ZCCHC7: variants seen among roughly 807,000 people sequenced by gnomAD.
ZCCHC7 encodes zinc finger CCHC domain-containing protein 7.
ZCCHC7 carries 35 observed loss-of-function variants against 52.0 expected under a neutral mutation model. That is an observed-to-expected ratio of 0.67 (90% confidence interval 0.51 to 0.89). The LOEUF is 0.89. Among genes scored for constraint, ZCCHC7 ranks in the 40% least tolerant of loss-of-function variants. The pLI is 0.00. For missense variants in ZCCHC7, 574 were observed against 649.1 expected, an observed-to-expected ratio of 0.88 and a Z score of 1.26; for synonymous variants, 217 against 221.5, an observed-to-expected ratio of 0.98 and a Z score of 0.18.
At chr9:37,283,283 T>G (rs1588609509) in intron 2 of ZCCHC7, among the ~76,000 whole-genome samples, 1 of 152,196 alleles carries the variant, frequency 6.6e-6, no homozygotes, top group East Asian at 1.9e-4. Context: ...TTTATGTTCA[T>G]TGTTGTAGAA....
intron 2 of ZCCHC7, among the ~76,000 whole-genome samples, chr9:37,185,575 G>A (rs999519283): frequency 3.3e-5 from 5 of 152,208 alleles, no homozygotes; most frequent in Admixed American, 1.3e-4. Context: ...GTTCCTTGTA[G>A]AGCTCTGAGG....
At chr9:37,148,160 A>T (rs1375443053) in intron 2 of ZCCHC7, among the ~76,000 whole-genome samples, 2 of 152,162 alleles carry the variant, frequency 1.3e-5, no homozygotes, top group African/African-American at 4.8e-5. Context: ...ATAATCAGAG[A>T]CAGCAAATAA....
chr9:37,205,593 T>G (rs906183956), intron 2 of ZCCHC7, among the ~76,000 whole-genome samples: 1 of 152,262 alleles, frequency 6.6e-6, no homozygotes, highest in African/African-American at 2.4e-5. Flanking sequence ...CTCAGCTCAC[T>G]GCAACCTCCA....
At chr9:37,134,755 C>T (rs747927583) in intron 2 of ZCCHC7, among the ~76,000 whole-genome samples, 2 of 152,016 alleles carry the variant, frequency 1.3e-5, no homozygotes, top group Non-Finnish European at 2.9e-5. Flanking sequence ...GACGGAATTT[C>T]GCTCTTGTTG....
intron 6 of ZCCHC7, among the ~76,000 whole-genome samples, chr9:37,340,498 T>G (rs1335700659): frequency 6.6e-6 from 1 of 152,148 alleles, no homozygotes; most frequent in Admixed American, 6.6e-5. Flanking sequence ...AAATTTTGAC[T>G]TAAAAAAGTT....
intron 2 of ZCCHC7, among the ~76,000 whole-genome samples, chr9:37,170,123 C>T (rs1821651202): frequency 6.6e-6 from 1 of 151,054 alleles, no homozygotes; most frequent in Non-Finnish European, 1.5e-5. Context: ...ATATTTAAAA[C>T]AAGTTTGTTC....
At chr9:37,208,870 C>CA (rs1169395813) in intron 2 of ZCCHC7, among the ~76,000 whole-genome samples, 1 of 151,872 alleles carries the variant, frequency 6.6e-6, no homozygotes, top group Non-Finnish European at 1.5e-5. Flanking sequence ...CATTTCATGG[C>CA]AAAAAAGGCT....
In ZCCHC7 at chr9:37,257,237, A is replaced by G. The variant is rs576142838; in HGVS notation, c.611-44951A>G. Among the ~76,000 whole-genome samples, 4 of 152,260 alleles carry G rather than the reference A, an allele frequency of 2.6e-5. No individual in the cohort carries two copies. The East Asian group carries it at 7.7e-4, about 29-fold the overall frequency. On this transcript the variant is annotated intron_variant, in intron 2 of 8. Transcript: ENST00000336755. ...TCTTTTCCAGGCTAAAGTTGTCTTCAGTGGTTAACCTTTGTTTCTCCTAGT... is the reference window on the plus strand; with the variant it reads ...TCTTTTCCAGGCTAAAGTTGTCTTCGGTGGTTAACCTTTGTTTCTCCTAGT...
At chr9:37,272,370 G>C (rs929403108) in intron 2 of ZCCHC7, among the ~76,000 whole-genome samples, 1 of 151,386 alleles carries the variant, frequency 6.6e-6, no homozygotes, top group Non-Finnish European at 1.5e-5. Flanking sequence ...ATTCCTATGA[G>C]TTGGGGAATT....
At chr9:37,121,551 G>T (rs958832855) in intron 1 of ZCCHC7, 75 of 152,288 alleles carry the variant, frequency 4.9e-4, no homozygotes, top group African/African-American at 1.8e-3. Context: ...CGCATACAAA[G>T]ACTTTTAAAT....
chr9:37,214,040 A>G (rs574045536), intron 2 of ZCCHC7, among the ~76,000 whole-genome samples: 17 of 151,928 alleles, frequency 1.1e-4, no homozygotes, highest in Admixed American at 7.9e-4. Flanking sequence ...GTTAGAATTC[A>G]TCAGACAAGA....
intron 2 of ZCCHC7, among the ~76,000 whole-genome samples, chr9:37,262,868 A>G (rs537861136): frequency 6.6e-6 from 1 of 152,290 alleles, no homozygotes; most frequent in African/African-American, 2.4e-5. Context: ...TAATGGACAA[A>G]TTTTGTGCCA....
chr9:37,293,497 G>A (rs1828633707), intron 2 of ZCCHC7, among the ~76,000 whole-genome samples: 1 of 152,086 alleles, frequency 6.6e-6, no homozygotes, highest in African/African-American at 2.4e-5. Flanking sequence ...ATTTAAATGG[G>A]TTTTATTTAT....
At chr9:37,336,186 G>A (rs1334561003) in intron 6 of ZCCHC7, among the ~76,000 whole-genome samples, 2 of 152,142 alleles carry the variant, frequency 1.3e-5, no homozygotes, top group African/African-American at 4.8e-5. Context: ...TGATTTCATA[G>A]CAAAATGTAG....
intron 6 of ZCCHC7, among the ~76,000 whole-genome samples, chr9:37,342,938 A>G (rs1820731532): frequency 6.6e-6 from 1 of 152,184 alleles, no homozygotes; most frequent in Non-Finnish European, 1.5e-5. Context: ...GAGTTTGCCA[A>G]TTTTGCCCTT....
intron 2 of ZCCHC7, among the ~76,000 whole-genome samples, chr9:37,265,924 A>G (rs1827084380): frequency 1.3e-5 from 2 of 151,846 alleles, no homozygotes; most frequent in Non-Finnish European, 2.9e-5. Context: ...CTCTTTTCTC[A>G]TCCTCAAATC....
intron 5 of ZCCHC7, among the ~76,000 whole-genome samples, chr9:37,324,662 G>T (rs1344376421): frequency 6.6e-6 from 1 of 152,138 alleles, no homozygotes; most frequent in South Asian, 2.1e-4. Context: ...CAGTATTGGG[G>T]GTTTTTTTCT....
chr9:37,328,837 A>G (rs999299501), intron 6 of ZCCHC7, among the ~76,000 whole-genome samples: 1 of 151,952 alleles, frequency 6.6e-6, no homozygotes, highest in Non-Finnish European at 1.5e-5. Flanking sequence ...TTGTTTTCAC[A>G]TTTTGTGATT....
chr9:37,278,324 TAAA>T (rs1178597515), intron 2 of ZCCHC7, among the ~76,000 whole-genome samples: 3 of 152,216 alleles, frequency 2.0e-5, no homozygotes, highest in Admixed American at 1.3e-4. Flanking sequence ...AATAAAACTA[TAAA>T]AGAGAACTAA....
Sources: gnomAD v4.1 joint callset for allele counts (sites outside exome capture counted in the v4.1 genomes callset) on GRCh38, gnomAD v4.1.1 for gene constraint, MANE v1.5 for transcripts, NCBI Gene and HGNC (gene_info 2026-07-23, HGNC 2026-07-21) for gene names.